Variants in SV2B observed in about 807,000 individuals in gnomAD.
SV2B encodes the protein solute carrier family 22 member B2.
SV2B carries 41 observed loss-of-function variants against 73.9 expected under a neutral mutation model. The observed-to-expected ratio is 0.56, with a 90% CI of 0.43 to 0.72. The LOEUF (loss-of-function observed/expected upper bound fraction) is 0.72. Ranked by LOEUF, SV2B falls within the 30% of genes least tolerant of loss-of-function variation. The pLI is 0.00. For missense variants in SV2B, 764 were observed against 857.8 expected (o/e 0.89, Z 1.37); for synonymous variants, 314 against 314.2 (o/e 1.00, Z 0.01).
In SV2B at chr15:91,226,050, G is replaced by A. The variant is rs1470045900; in HGVS notation, c.-214G>A. On this transcript the variant is annotated 5_prime_UTR_variant, in exon 2 of 13. In the 5' UTR this introduces an upstream ATG that the reference lacks. Transcript: ENST00000394232. ...TTTCCAGACTTCCAACAGACATCGA[G>A]TGCAAAAGGATATTTAGGTTGTCTT... 2 of 571,306 alleles carry A rather than the reference G, an allele frequency of 3.5e-6. No individual in the cohort carries two copies. The highest frequency in any genetic ancestry group is 6.1e-6 in the Non-Finnish European group (2 of 327,218). 35.4% of individuals were successfully genotyped at this position (571,306 alleles called of 1,614,324 possible).
chr15:91,111,732 A>C (rs535789975), intron 1 of SV2B, among the ~76,000 whole-genome samples: 16 of 152,274 alleles, frequency 1.1e-4, no homozygotes, highest in African/African-American at 2.6e-4. Context: ...ATAAGAAAAG[A>C]GTTTTAATTG....
At chr15:91,125,489 T>C (rs2042450799) in intron 1 of SV2B, among the ~76,000 whole-genome samples, 1 of 151,994 alleles carries the variant, frequency 6.6e-6, no homozygotes, top group South Asian at 2.1e-4. Context: ...CTTAGACATT[T>C]GGCCAGGCGC....
intron 1 of SV2B, among the ~76,000 whole-genome samples, chr15:91,188,231 T>C (rs2044850849): frequency 6.6e-6 from 1 of 152,058 alleles, no homozygotes; most frequent in Non-Finnish European, 1.5e-5. Context: ...GTAGATTATG[T>C]GCTTACCCTC....
At chr15:91,113,940 A>T (rs2042105572) in intron 1 of SV2B, among the ~76,000 whole-genome samples, 1 of 152,150 alleles carries the variant, frequency 6.6e-6, no homozygotes, top group Non-Finnish European at 1.5e-5. Flanking sequence ...TGGACTATAG[A>T]TTCCCTGAGA....
In SV2B at chr15:91,284,638, C is replaced by T. The variant is rs2048798021; in HGVS notation, c.1708+417C>T. On this transcript the variant is annotated intron_variant, in intron 11 of 12. Coordinates refer to ENST00000394232, the MANE Select transcript of SV2B (RefSeq NM_001323032.3). This position sits in a 1 kb window ranked among gnomAD's most constrained non-coding sequence, Gnocchi z 4.5. ...TATTTAATAGCAATACCACTTTAGG[C>T]TTTGGAGTTGGACAGAGTCATGTTG... Among the ~76,000 whole-genome samples, 1 of 152,136 alleles carries T rather than the reference C, an allele frequency of 6.6e-6. No individual in the cohort carries two copies. Among genetic ancestry groups the T allele is most frequent in the Admixed American group, 6.5e-5 (1 of 15,274 alleles).
At chr15:91,211,692 C>A (rs1294503554) in intron 1 of SV2B, among the ~76,000 whole-genome samples, 1 of 151,640 alleles carries the variant, frequency 6.6e-6, no homozygotes, top group African/African-American at 2.4e-5. Flanking sequence ...TTAGTAGAGA[C>A]AGGGTTTCAC....
chr15:91,170,252 G>T (rs944834333), intron 1 of SV2B, among the ~76,000 whole-genome samples: 3 of 151,984 alleles, frequency 2.0e-5, no homozygotes, highest in Non-Finnish European at 2.9e-5. Flanking sequence ...GATTACCTCC[G>T]CAGTCTTATT....
Position 91,214,242 on chromosome 15 carries a change from G to A in SV2B, c.-391-11631G>A, listed in dbSNP as rs1232368510. 1.3e-5 allele frequency among the ~76,000 whole-genome samples: 2 copies of A among 152,172 alleles called. No individual in the cohort carries two copies. Among genetic ancestry groups the A allele is most frequent in the African/African-American group, 2.4e-5 (1 of 41,430 alleles). ...GGCAGGGTTCCAGCAGAGTGGAAGT[G>A]CTAAAAAACCAGAGGGTCTCACCCA... On this transcript the variant is annotated intron_variant, in intron 1 of 12. Coordinates refer to ENST00000394232, the MANE Select transcript of SV2B (RefSeq NM_001323032.3). The surrounding 1 kb of genome is among the most constrained non-coding windows in gnomAD (Gnocchi z 4.7).
intron 1 of SV2B, among the ~76,000 whole-genome samples, chr15:91,153,497 G>A (rs1429128440): frequency 6.6e-6 from 1 of 152,034 alleles, no homozygotes; most frequent in Non-Finnish European, 1.5e-5. Context: ...TCCCTCATGG[G>A]GATAGTAGTT....
intron 1 of SV2B, among the ~76,000 whole-genome samples, chr15:91,165,637 C>T (rs2043887382): frequency 6.6e-6 from 1 of 152,186 alleles, no homozygotes; most frequent in African/African-American, 2.4e-5. Flanking sequence ...CCCTTAAGGT[C>T]TCTGACATCA....
intron 1 of SV2B, among the ~76,000 whole-genome samples, chr15:91,219,678 T>A (rs1274159123): frequency 6.6e-6 from 1 of 152,138 alleles, no homozygotes; most frequent in Non-Finnish European, 1.5e-5. Flanking sequence ...TTGATGATTT[T>A]TAGTAAATTC....
At chr15:91,291,784 G>A (rs961662098) in intron 12 of SV2B, among the ~76,000 whole-genome samples, 20 of 152,188 alleles carry the variant, frequency 1.3e-4, no homozygotes, top group Non-Finnish European at 2.8e-4. Context: ...AAAGAATGAA[G>A]GGGAACAGAG....
intron 6 of SV2B, 49 bp from the exon 7 acceptor site, chr15:91,266,533 T>A (rs1202275461): frequency 1.4e-6 from 2 of 1,425,580 alleles, no homozygotes; most frequent in African/African-American, 1.4e-5. Context: ...TTGAAAACTC[T>A]GACACAAAGT....
At chr15:91,107,720 C>T (rs2041927532) in intron 1 of SV2B, among the ~76,000 whole-genome samples, 1 of 152,148 alleles carries the variant, frequency 6.6e-6, no homozygotes, top group Non-Finnish European at 1.5e-5. Context: ...AGTGATCTTC[C>T]CATCTCAGCC....
rs375881261 is a variant in SV2B, at chr15:91,221,202, A to G, written c.-391-4671A>G. On this transcript the variant is annotated intron_variant, in intron 1 of 12. Coordinates refer to ENST00000394232, the MANE Select transcript of SV2B (RefSeq NM_001323032.3). Reference sequence around the variant, plus strand: ...TGACCACAACAATAATAGCTATTAGATCGGATTTAAATTGATCACATCTGT... The same window carrying G: ...TGACCACAACAATAATAGCTATTAGGTCGGATTTAAATTGATCACATCTGT... 6.0e-4 allele frequency among the ~76,000 whole-genome samples: 91 copies of G among 152,260 alleles called. 4 individuals are homozygous for G. In the South Asian group the frequency reaches 0.018, roughly 30 times the overall value.
At chr15:91,107,819 C>T (rs555996188) in intron 1 of SV2B, among the ~76,000 whole-genome samples, 5 of 152,244 alleles carry the variant, frequency 3.3e-5, no homozygotes, top group African/African-American at 1.2e-4. Flanking sequence ...CTATGCTGCC[C>T]AGGCTGGTCT....
intron 1 of SV2B, among the ~76,000 whole-genome samples, chr15:91,112,117 G>A (rs910088932): frequency 6.6e-6 from 1 of 150,646 alleles, no homozygotes; most frequent in African/African-American, 2.4e-5. Context: ...GGTGGTATTG[G>A]CTGGGGGTGG....
intron 2 of SV2B, among the ~76,000 whole-genome samples, chr15:91,228,075 G>A (rs577799390): frequency 1.3e-5 from 2 of 152,266 alleles, no homozygotes; most frequent in East Asian, 3.9e-4. Flanking sequence ...CTGATTTAGG[G>A]CCACTGTAAA....
chr15:91,144,072 A>G (rs1437033821), intron 1 of SV2B, among the ~76,000 whole-genome samples: 1 of 152,054 alleles, frequency 6.6e-6, no homozygotes, highest in African/African-American at 2.4e-5. Context: ...TGGGTTATAC[A>G]CTCTCTTTGT....
Sources: gnomAD v4.1 joint callset for allele counts (sites outside exome capture counted in the v4.1 genomes callset) on GRCh38, gnomAD v4.1.1 for gene constraint, Gnocchi (gnomAD v3.1) non-coding constraint, MANE v1.5 for transcripts, NCBI Gene and HGNC (gene_info 2026-07-23, HGNC 2026-07-21) for gene names.